The following TBC1D5 variants were observed in gnomAD, a reference collection of about 807,000 sequenced individuals.
TBC1D5 encodes TBC1 domain family member 5, also known as TBC1 domain family, member 5.
Under a neutral mutation model 100.3 loss-of-function variants are expected in TBC1D5, and 75 were observed. The ratio of observed to expected loss-of-function variants is 0.75; its 90% CI spans 0.62 to 0.91. The LOEUF is 0.91. Among genes scored for constraint, TBC1D5 ranks in the 40% least tolerant of loss-of-function variants. TBC1D5 has a pLI of 0.00. For missense variants in TBC1D5, 910 were observed against 942.4 expected, an observed-to-expected ratio of 0.97 and a Z score of 0.45; for synonymous variants, 323 against 325.6, an observed-to-expected ratio of 0.99 and a Z score of 0.09.
intron 2 of TBC1D5, among the ~76,000 whole-genome samples, chr3:17,623,316 T>C (rs949820395): frequency 3.3e-5 from 5 of 152,184 alleles, no homozygotes; most frequent in African/African-American, 1.2e-4. Flanking sequence ...AAGTGTATAA[T>C]GCGTATCAGG....
At chr3:17,505,697 G>C (rs1478057906) in intron 3 of TBC1D5, among the ~76,000 whole-genome samples, 1 of 151,948 alleles carries the variant, frequency 6.6e-6, no homozygotes, top group African/African-American at 2.4e-5. Context: ...CATTTTATTG[G>C]TCATTAAAGG....
At position 17,258,594 on chromosome 3, in the gene TBC1D5, A is replaced by C. The variant is rs1047644427; in HGVS notation, c.1246-3T>G. On this transcript the variant is annotated splice_region_variant and splice_polypyrimidine_tract_variant and intron_variant, in intron 15 of 21. Transcript: ENST00000253692. Reference sequence around the variant, plus strand: ...TAAGTCACTGGTCTTGGATTTCTCTAAAAAAAAATACATTTTTAAAAAGCT... The same window carrying C: ...TAAGTCACTGGTCTTGGATTTCTCTCAAAAAAAATACATTTTTAAAAAGCT... 1.3e-6 allele frequency: 2 copies of C among 1,517,136 alleles called. No homozygotes were observed. The highest frequency in any genetic ancestry group is 2.8e-5 in the African/African-American group (2 of 71,968). The allele number at this position is 1,517,136 out of a possible 1,614,324, so 94.0% of individuals were successfully genotyped here. A position where few individuals can be genotyped will look rare whatever the true frequency, so the allele number is the denominator to read the frequency against.
At chr3:17,575,464 C>T (rs1326440166) in intron 2 of TBC1D5, among the ~76,000 whole-genome samples, 2 of 152,158 alleles carry the variant, frequency 1.3e-5, no homozygotes, top group Non-Finnish European at 2.9e-5. Context: ...CAGTGTCATA[C>T]CACCTACCCC....
chr3:17,171,328 T>A (rs918999752), intron 19 of TBC1D5, among the ~76,000 whole-genome samples: 2 of 152,122 alleles, frequency 1.3e-5, no homozygotes, highest in African/African-American at 4.8e-5. Flanking sequence ...TGGAGGGGGA[T>A]GGAGTTTATG....
intron 13 of TBC1D5, among the ~76,000 whole-genome samples, chr3:17,368,584 C>T (rs1000733519): frequency 6.6e-5 from 10 of 152,060 alleles, no homozygotes; most frequent in Middle Eastern, 3.4e-3. Context: ...ATGATTTACT[C>T]CTCTTTCCAT....
At chr3:17,741,724 T>A (rs2077452178), upstream of TBC1D5, among the ~76,000 whole-genome samples, 1 of 150,542 alleles carries the variant, frequency 6.6e-6, no homozygotes, top group South Asian at 2.1e-4. Flanking sequence ...ACTTGTAGAA[T>A]CGAATCTTGT....
At chr3:17,629,438 G>A (rs1368639650) in intron 1 of TBC1D5, among the ~76,000 whole-genome samples, 1 of 152,168 alleles carries the variant, frequency 6.6e-6, no homozygotes, top group Non-Finnish European at 1.5e-5. Flanking sequence ...GTAATACCCA[G>A]TTAATTCTTT....
At chr3:17,199,051 C>T (rs763173214) in intron 18 of TBC1D5, among the ~76,000 whole-genome samples, 9 of 152,290 alleles carry the variant, frequency 5.9e-5, no homozygotes, top group Admixed American at 2.6e-4. Flanking sequence ...TAGAGTGAAA[C>T]GCAAGGTTCC....
At chr3:17,510,930 A>G (rs986472915) in intron 2 of TBC1D5, among the ~76,000 whole-genome samples, 1 of 152,046 alleles carries the variant, frequency 6.6e-6, no homozygotes, top group East Asian at 1.9e-4. Context: ...AGTAAGTATT[A>G]AAGCCAAAAT....
At chr3:17,268,178 A>C (rs530461450) in intron 15 of TBC1D5, among the ~76,000 whole-genome samples, 1 of 152,188 alleles carries the variant, frequency 6.6e-6, no homozygotes, top group South Asian at 2.1e-4. Context: ...CATTTTAAAA[A>C]AGAACACTAA....
At chr3:17,383,801 C>T in intron 9 of TBC1D5, 112 bp downstream of exon 9, 1 of 754,902 alleles carries the variant, frequency 1.3e-6, no homozygotes, top group Non-Finnish European at 2.1e-6. Flanking sequence ...ATTGCTTTAG[C>T]ATTATGATAC....
rs527868458 is a variant in TBC1D5, at chr3:17,610,764, C to T, written c.-36+13085G>A. The stretch of plus-strand genomic sequence containing the variant: ...GGACGTGGAGGCTAACACCTGTAAT[C>T]GCAGCACTTTGGGAGGCCGAGGCAA... On this transcript the variant is annotated intron_variant, in intron 2 of 21. Coordinates refer to ENST00000253692, the Ensembl canonical transcript of TBC1D5. Among the ~76,000 whole-genome samples, 15 of 152,252 alleles carry T rather than the reference C, an allele frequency of 9.9e-5. No homozygotes were observed. The South Asian group carries it at 2.9e-3, about 29-fold the overall frequency.
chr3:17,343,387 T>A (rs2089319586), intron 13 of TBC1D5, among the ~76,000 whole-genome samples: 1 of 152,004 alleles, frequency 6.6e-6, no homozygotes, highest in South Asian at 2.1e-4. Context: ...TATTGAGGAT[T>A]TTCGCATCAA....
At chr3:17,642,678 G>C (rs1180814825) in intron 1 of TBC1D5, among the ~76,000 whole-genome samples, 1 of 152,042 alleles carries the variant, frequency 6.6e-6, no homozygotes, top group Non-Finnish European at 1.5e-5. Context: ...AACAAATTGT[G>C]GTCAGCAACA....
intron 13 of TBC1D5, among the ~76,000 whole-genome samples, chr3:17,352,691 A>AAAAAAAAC (rs2090758442): frequency 6.7e-6 from 1 of 149,412 alleles, no homozygotes; most frequent in Non-Finnish European, 1.5e-5. Context: ...GGCAAAAAAA[A>AAAAAAAAC]AAAAAAAACA....
intron 18 of TBC1D5, among the ~76,000 whole-genome samples, chr3:17,192,894 G>A (rs1315947312): frequency 6.6e-6 from 1 of 152,228 alleles, no homozygotes; most frequent in Non-Finnish European, 1.5e-5. Flanking sequence ...GTCCCGACAG[G>A]ATGGGTTTTC....
intron 15 of TBC1D5, among the ~76,000 whole-genome samples, chr3:17,289,365 C>T (rs1286657507): frequency 6.6e-6 from 1 of 152,038 alleles, no homozygotes; most frequent in African/African-American, 2.4e-5. Flanking sequence ...GGGAATGTTG[C>T]CTTCTGTGGA....
At position 17,247,445 on chromosome 3, in the gene TBC1D5, T is replaced by C. The variant is rs146270385; in HGVS notation, c.1332-9026A>G. On this transcript the variant is annotated intron_variant, in intron 16 of 21. Transcript: ENST00000253692. Reference sequence around the variant, plus strand: ...GTCTAAAAAAAGGAAAAATACTAATTAAAAAAATACTTTATTGCCAAAAGA... The same window carrying C: ...GTCTAAAAAAAGGAAAAATACTAATCAAAAAAATACTTTATTGCCAAAAGA... 9.1e-3 allele frequency among the ~76,000 whole-genome samples: 1,388 copies of C among 152,270 alleles called. 23 individuals carry two copies. The highest frequency in any genetic ancestry group is 0.031 in the African/African-American group (1,295 of 41,538).
chr3:17,583,986 A>T (rs1194427848), intron 2 of TBC1D5, among the ~76,000 whole-genome samples: 1 of 152,232 alleles, frequency 6.6e-6, no homozygotes, highest in Non-Finnish European at 1.5e-5. Flanking sequence ...GGATAAACAC[A>T]TGGACTAGCA....
Sources: allele counts gnomAD v4.1 joint callset (sites outside exome capture counted in the v4.1 genomes callset), GRCh38; gene constraint gnomAD v4.1.1; transcripts MANE v1.5; gene names NCBI Gene and HGNC (gene_info 2026-07-23, HGNC 2026-07-21).